DCAF5: variants seen among roughly 807,000 people sequenced by gnomAD.
The protein encoded by DCAF5 is DDB1 and CUL4 associated factor 5, also known as DDB1- and CUL4-associated factor 5.
In DCAF5, 9 loss-of-function variants were observed where a neutral mutation model predicts 80.7. That is an observed-to-expected ratio of 0.11 (90% CI 0.07 to 0.19). DCAF5 has a LOEUF of 0.19. Ranked by LOEUF, DCAF5 falls within the 10% of genes least tolerant of loss-of-function variation. The pLI is 1.00. For missense variants in DCAF5, 842 were observed against 1,205.7 expected (o/e 0.70, Z 4.47); for synonymous variants, 433 against 461.9 (o/e 0.94, Z 0.80).
chr14:69,067,337 C>CTTTTTTTTTT (rs58620965), intron 7 of DCAF5, among the ~76,000 whole-genome samples: 2 of 115,128 alleles, frequency 1.7e-5, no homozygotes, highest in Non-Finnish European at 1.8e-5. Flanking sequence ...GATTTCGTAT[C>CTTTTTTTTTT]TTTTTTTTTT....
chr14:69,066,446 C>G (rs988242668), intron 7 of DCAF5, among the ~76,000 whole-genome samples: 1 of 152,002 alleles, frequency 6.6e-6, no homozygotes, highest in African/African-American at 2.4e-5. Flanking sequence ...GCTGACACTC[C>G]TTTTTAAGTT....
chr14:69,070,329 GA>G (rs1211853018), intron 7 of DCAF5, among the ~76,000 whole-genome samples: 1 of 152,030 alleles, frequency 6.6e-6, no homozygotes, highest in African/African-American at 2.4e-5. Context: ...ACTTACTAGG[GA>G]AAAAATGCTT....
chr14:69,070,491 C>T (rs1040671815), intron 7 of DCAF5, among the ~76,000 whole-genome samples: 8 of 152,172 alleles, frequency 5.3e-5, no homozygotes, highest in Admixed American at 3.3e-4. Flanking sequence ...AAGAAACTGA[C>T]GCTCAGACAA....
chr14:69,122,384 T>G, intron 1 of DCAF5, 24 bp from the exon 2 acceptor site: 1 of 1,594,092 alleles, frequency 6.3e-7, no homozygotes, highest in Non-Finnish European at 8.6e-7. Context: ...TAAGAATCTG[T>G]GCTTAAAACA....
chr14:69,145,834 C>A (rs1158685852), intron 1 of DCAF5, among the ~76,000 whole-genome samples: 3 of 152,132 alleles, frequency 2.0e-5, no homozygotes, highest in South Asian at 4.1e-4. Context: ...CAATTAGTTT[C>A]TTCTTTCTTA....
intron 5 of DCAF5, among the ~76,000 whole-genome samples, chr14:69,114,870 T>A (rs2040493713): frequency 6.6e-6 from 1 of 152,040 alleles, no homozygotes; most frequent in Admixed American, 6.6e-5. Context: ...GGGAGAGAAT[T>A]GGGAGAATTA....
chr14:69,112,112 C>T (rs2040389717), intron 5 of DCAF5, among the ~76,000 whole-genome samples: 1 of 152,158 alleles, frequency 6.6e-6, no homozygotes, highest in African/African-American at 2.4e-5. Context: ...ATTTTTCAAA[C>T]TCTAGTATAT....
chr14:69,056,412 G>A (rs1291613707), intron 8 of DCAF5, among the ~76,000 whole-genome samples: 1 of 152,176 alleles, frequency 6.6e-6, no homozygotes, highest in Admixed American at 6.5e-5. Context: ...AAAGGCAGCA[G>A]AGCTAGGATT....
At chr14:69,107,013 G>T (rs2040185359) in intron 5 of DCAF5, among the ~76,000 whole-genome samples, 1 of 152,088 alleles carries the variant, frequency 6.6e-6, no homozygotes, top group Non-Finnish European at 1.5e-5. Flanking sequence ...CTGCATTCCA[G>T]CCTGGGTAAC....
At chr14:69,072,872 T>G (rs2038751864) in intron 7 of DCAF5, among the ~76,000 whole-genome samples, 1 of 151,972 alleles carries the variant, frequency 6.6e-6, no homozygotes, top group Non-Finnish European at 1.5e-5. Flanking sequence ...ACAACAGGGA[T>G]AGTTATAAGG....
chr14:69,093,969 C>G (rs1246592588), intron 5 of DCAF5, among the ~76,000 whole-genome samples: 4 of 152,162 alleles, frequency 2.6e-5, no homozygotes, highest in African/African-American at 9.7e-5. Context: ...TTGTTAGAGA[C>G]CAGGCATTTC....
chr14:69,088,520 A>G (rs558969584), intron 6 of DCAF5, among the ~76,000 whole-genome samples: 1 of 152,326 alleles, frequency 6.6e-6, no homozygotes, highest in South Asian at 2.1e-4. Context: ...TGAACCTAGG[A>G]TAGTTTAAAA....
intron 5 of DCAF5, among the ~76,000 whole-genome samples, chr14:69,102,589 A>AACACACACACACACAC (rs2039996020): frequency 3.0e-5 from 1 of 33,604 alleles, no homozygotes; most frequent in Non-Finnish European, 9.1e-5. Flanking sequence ...GTTAAAAACA[A>AACACACACACACACAC]AGACACACAC....
In DCAF5 at chr14:69,118,343, A is replaced by T; in HGVS notation, c.396-65T>A. The T allele has an allele frequency of 6.7e-7, 1 of 1,495,876 alleles. No homozygotes were observed. The highest frequency in any genetic ancestry group is 9.0e-7 in the Non-Finnish European group (1 of 1,107,542). The allele number at this position is 1,495,876 out of a possible 1,614,324, so 92.7% of individuals were successfully genotyped here. On this transcript the variant is annotated intron_variant, in intron 3 of 8. Coordinates refer to ENST00000341516, the MANE Select transcript of DCAF5 (RefSeq NM_003861.3). This position sits in a 1 kb window ranked among gnomAD's most constrained non-coding sequence, Gnocchi z 4.0. The stretch of plus-strand genomic sequence containing the variant: ...CACAAGCATAGTGCAGAGTCCCAGC[A>T]CTTTGGTACCGAGGGTGCCATCTTT...
chr14:69,084,646 C>T (rs1158072551), intron 6 of DCAF5: 5 of 1,046,232 alleles, frequency 4.8e-6, no homozygotes, highest in Middle Eastern at 3.2e-4. Flanking sequence ...TTAAGAAGAA[C>T]CAAAAAAAGA....
At position 69,075,334 on chromosome 14, in the gene DCAF5, G is replaced by C; in HGVS notation, c.946+11C>G. 6.2e-7 allele frequency: 1 copy of C among 1,603,144 alleles called. No homozygotes were observed. Among genetic ancestry groups the C allele is most frequent in the Non-Finnish European group, 8.5e-7 (1 of 1,172,500 alleles). The stretch of plus-strand genomic sequence containing the variant: ...GCAATAGCAGTACATTCATGTGAAG[G>C]ATATACTTGCCTGCTTCTGGATCTG... On this transcript the variant is annotated intron_variant, in intron 7 of 8. Transcript: ENST00000341516.
intron 1 of DCAF5, among the ~76,000 whole-genome samples, chr14:69,133,394 A>C (rs897800483): frequency 1.3e-5 from 2 of 152,230 alleles, no homozygotes; most frequent in East Asian, 3.8e-4. Flanking sequence ...GCCACCATTC[A>C]GCTCTTGCCA....
intron 5 of DCAF5, among the ~76,000 whole-genome samples, chr14:69,098,727 C>CAAAAAAAAA (rs35501979): frequency 6.1e-4 from 56 of 92,192 alleles, no homozygotes; most frequent in South Asian, 7.8e-4. Context: ...ACTAAAAATA[C>CAAAAAAAAA]AAAAAAAAAA....
chr14:69,104,547 A>C (rs2040067703), intron 5 of DCAF5, among the ~76,000 whole-genome samples: 1 of 152,026 alleles, frequency 6.6e-6, no homozygotes, highest in Non-Finnish European at 1.5e-5. Context: ...TTCAACACAT[A>C]ATTTGCAAGC....
Sources: gnomAD v4.1 joint callset for allele counts (sites outside exome capture counted in the v4.1 genomes callset) on GRCh38, gnomAD v4.1.1 for gene constraint, Gnocchi (gnomAD v3.1) non-coding constraint, MANE v1.5 for transcripts, NCBI Gene and HGNC (gene_info 2026-07-23, HGNC 2026-07-21) for gene names.